MTF2: variants seen among roughly 807,000 people sequenced by gnomAD.
MTF2 encodes the protein metal response element binding transcription factor 2, also known as metal-response element-binding transcription factor 2.
In MTF2, 11 loss-of-function variants were observed where a neutral mutation model predicts 79.5. The observed-to-expected ratio is 0.14, with a 90% confidence interval of 0.09 to 0.23. MTF2 has a LOEUF of 0.23. MTF2 is among the 10% of genes least tolerant of loss of function. The pLI is 1.00. For missense variants in MTF2, 486 were observed against 711.2 expected, an observed-to-expected ratio of 0.68 and a Z score of 3.60; for synonymous variants, 208 against 232.8, an observed-to-expected ratio of 0.89 and a Z score of 0.97.
chr1:93,101,780 G>A (rs1483595548), intron 1 of MTF2, among the ~76,000 whole-genome samples: 1 of 151,542 alleles, frequency 6.6e-6, no homozygotes, highest in East Asian at 1.9e-4. Context: ...TGGATCTTGT[G>A]TTGCTTAGGC....
chr1:93,079,831 C>T (rs977671784), intron 1 of MTF2, among the ~76,000 whole-genome samples: 4 of 149,468 alleles, frequency 2.7e-5, no homozygotes, highest in African/African-American at 9.9e-5. Context: ...CAGGAAGGAA[C>T]CTGGGGGCGG....
chr1:93,079,858 C>A (rs1654527546), intron 1 of MTF2, among the ~76,000 whole-genome samples: 1 of 130,490 alleles, frequency 7.7e-6, no homozygotes, highest in Non-Finnish European at 1.6e-5. Flanking sequence ...GTTGGAGGGG[C>A]AGGATGAACC....
chr1:93,136,766 A>G lies in MTF2; in HGVS notation c.1521A>G (p.Ala507=). The G allele has an allele frequency of 6.2e-7, 1 of 1,614,168 alleles. No individual in the cohort carries two copies. The highest frequency in any genetic ancestry group is 8.5e-7 in the Non-Finnish European group (1 of 1,180,014). The change falls in exon 15 of 15, where the codon GCA becomes GCG. Residue 507 remains alanine (A), a synonymous_variant. Transcript: ENST00000370298. ...GAAGAGGTCGTCTTCCAAGAAGAGC[A>G]CTCCAGACTCAGAACTCAGAAATTG... ...RRRRGRLPRR[A]LQTQNSEIVK...
At position 93,079,463 on chromosome 1, in the gene MTF2, G is replaced by C. The variant is rs1654502335; in HGVS notation, c.-64G>C. ...AAGTGCTCGGACTCGCAGGGGAAGC[G>C]CCCACGGGGACGGATTGGTTGTTTT... On this transcript the variant is annotated 5_prime_UTR_variant, in exon 1 of 15. Transcript: ENST00000370298. 3 of 1,611,078 alleles carry C rather than the reference G, an allele frequency of 1.9e-6. No homozygotes were observed. The highest frequency in any genetic ancestry group is 2.2e-5 in the South Asian group (2 of 90,682).
intron 1 of MTF2, among the ~76,000 whole-genome samples, chr1:93,093,789 C>T (rs1305755602): frequency 6.6e-6 from 1 of 152,122 alleles, no homozygotes; most frequent in Admixed American, 6.6e-5. Context: ...TAGTACACTA[C>T]AGCCCTGAAC....
intron 9 of MTF2, among the ~76,000 whole-genome samples, chr1:93,125,475 T>C (rs1055850479): frequency 6.6e-6 from 1 of 152,026 alleles, no homozygotes; most frequent in African/African-American, 2.4e-5. Flanking sequence ...GGAAACATTC[T>C]TGAGGGAGAC....
In MTF2 at chr1:93,083,593, T is replaced by C. The variant is rs571672568; in HGVS notation, c.5+4062T>C. Among the ~76,000 whole-genome samples the C allele has an allele frequency of 4.6e-5, 7 of 152,234 alleles. No homozygotes were observed. The South Asian group carries it at 1.5e-3, about 32-fold the overall frequency. ...TGGGTACACATATCTAGGAGTGAAA[T>C]TACTGGGTCAGATGATAACTCGGAT... On this transcript the variant is annotated intron_variant, in intron 1 of 14. Transcript: ENST00000370298.
At chr1:93,094,795 A>T (rs548264755) in intron 1 of MTF2, among the ~76,000 whole-genome samples, 1 of 152,070 alleles carries the variant, frequency 6.6e-6, no homozygotes, top group Non-Finnish European at 1.5e-5. Context: ...GCATAGATCT[A>T]TTTATTCATT....
intron 1 of MTF2, among the ~76,000 whole-genome samples, chr1:93,100,544 T>G (rs1284897067): frequency 6.6e-6 from 1 of 152,166 alleles, no homozygotes; most frequent in Non-Finnish European, 1.5e-5. Flanking sequence ...CCTGACCTCA[T>G]GATCTGCCCG....
At chr1:93,106,781 A>G (rs531416450) in intron 1 of MTF2, among the ~76,000 whole-genome samples, 13 of 152,290 alleles carry the variant, frequency 8.5e-5, no homozygotes, top group Middle Eastern at 3.4e-3. Flanking sequence ...TCGGCCTCCC[A>G]AAGTGTTGGG....
At chr1:93,086,883 C>G (rs1654861604) in intron 1 of MTF2, among the ~76,000 whole-genome samples, 1 of 152,070 alleles carries the variant, frequency 6.6e-6, no homozygotes, top group Non-Finnish European at 1.5e-5. Context: ...ATTTGAAATG[C>G]TTGGGACCAG....
At chr1:93,115,417 TGTG>T in intron 5 of MTF2, 50 bp from the exon 6 acceptor site, 1 of 1,373,542 alleles carries the variant, frequency 7.3e-7, no homozygotes, top group Non-Finnish European at 9.8e-7. Context: ...AGTATAGAAT[TGTG>T]TTTAAAATTT....
At chr1:93,089,763 C>T (rs1421510669) in intron 1 of MTF2, among the ~76,000 whole-genome samples, 2 of 151,784 alleles carry the variant, frequency 1.3e-5, no homozygotes, top group Non-Finnish European at 1.5e-5. Context: ...ATGGGGATCT[C>T]GTTATGTTGC....
intron 1 of MTF2, among the ~76,000 whole-genome samples, chr1:93,099,580 A>G (rs1655444634): frequency 6.6e-6 from 1 of 152,210 alleles, no homozygotes; most frequent in African/African-American, 2.4e-5. Flanking sequence ...TAAATTCTGT[A>G]TCTGGGAAAG....
chr1:93,090,447 C>T (rs1655030852), intron 1 of MTF2, among the ~76,000 whole-genome samples: 1 of 151,478 alleles, frequency 6.6e-6, no homozygotes, highest in African/African-American at 2.4e-5. Flanking sequence ...GGGGTTTCTC[C>T]ATGCTGGCCA....
chr1:93,111,282 A>G (rs1656018830), intron 3 of MTF2, among the ~76,000 whole-genome samples: 1 of 152,110 alleles, frequency 6.6e-6, no homozygotes, highest in Non-Finnish European at 1.5e-5. Context: ...TACAATCTCT[A>G]CTAAAAGCCT....
At position 93,138,087 on chromosome 1, in the gene MTF2, A is replaced by G. The variant is rs1295541692; in HGVS notation, c.*1060A>G. 2 of 152,214 alleles carry G rather than the reference A, an allele frequency of 1.3e-5. No homozygotes were observed. Among genetic ancestry groups the G allele is most frequent in the Non-Finnish European group, 1.5e-5 (1 of 68,022 alleles). 9.4% of individuals were successfully genotyped at this position (152,214 alleles called of 1,614,324 possible). On this transcript the variant is annotated 3_prime_UTR_variant, in exon 15 of 15. Transcript: ENST00000370298. ...TCATGTTTGAATAAGTGTAGTATGAACAAAGTATTTTATTGCACAGGGTTA... is the reference window on the plus strand; with the variant it reads ...TCATGTTTGAATAAGTGTAGTATGAGCAAAGTATTTTATTGCACAGGGTTA...
At chr1:93,100,159 TAAAAA>T (rs969078213) in intron 1 of MTF2, among the ~76,000 whole-genome samples, 1 of 151,964 alleles carries the variant, frequency 6.6e-6, no homozygotes, top group African/African-American at 2.4e-5. Context: ...TTGAAAGAGT[TAAAAA>T]AAACCCACTT....
intron 11 of MTF2, among the ~76,000 whole-genome samples, chr1:93,130,046 G>A (rs970935146): frequency 1.3e-5 from 2 of 152,128 alleles, no homozygotes; most frequent in African/African-American, 2.4e-5. Context: ...TTATAACAAT[G>A]TGAAAAACAA....
Sources: gnomAD v4.1 joint callset for allele counts (sites outside exome capture counted in the v4.1 genomes callset) on GRCh38, gnomAD v4.1.1 for gene constraint, MANE v1.5 for transcripts, NCBI Gene and HGNC (gene_info 2026-07-23, HGNC 2026-07-21) for gene names.